The following KLRG2 variants were observed in gnomAD, a reference collection of about 807,000 sequenced individuals.
KLRG2 encodes the protein killer cell lectin like receptor G2, also known as killer cell lectin-like receptor subfamily G member 2.
KLRG2 carries 39 observed loss-of-function variants against 35.4 expected under a neutral mutation model. The observed-to-expected ratio is 1.10, with a 90% CI of 0.85 to 1.44. KLRG2 has a LOEUF of 1.44. KLRG2 is among the 40% of genes most tolerant of loss of function. The pLI is 0.00. For missense variants in KLRG2, 632 were observed against 570.9 expected (o/e 1.11, Z -1.09); for synonymous variants, 283 against 265.8 (o/e 1.06, Z -0.63).
chr7:139,446,801 T>C, the KLRG2 span, among the ~76,000 whole-genome samples: 4 of 151,922 alleles, frequency 2.6e-5, no homozygotes, highest in East Asian at 1.9e-4. Flanking sequence ...TCCAACCTCC[T>C]CCTCCTTCAC....
At chr7:139,456,842 TGCGG>T (rs1481354674) in intron 3 of KLRG2, among the ~76,000 whole-genome samples, 2 of 152,134 alleles carry the variant, frequency 1.3e-5, no homozygotes, top group African/African-American at 4.8e-5. Flanking sequence ...GTGAACCTGG[TGCGG>T]GCCAGGAGCT....
At chr7:139,470,042 A>G (rs759357133) in intron 3 of KLRG2, among the ~76,000 whole-genome samples, 1 of 152,106 alleles carries the variant, frequency 6.6e-6, no homozygotes, top group African/African-American at 2.4e-5. Flanking sequence ...GAGAAAAGAA[A>G]CAGGGCATGG....
At chr7:139,445,781 G>GTGTGTGTATATATATATATATATA in the KLRG2 span, among the ~76,000 whole-genome samples, 4 of 98,488 alleles carry the variant, frequency 4.1e-5, no homozygotes, top group African/African-American at 3.1e-4. Flanking sequence ...ATATATATAT[G>GTGTGTGTATATATATATATATATA]TATATATATA....
chr7:139,482,691 G>A (rs1796980917), intron 1 of KLRG2, among the ~76,000 whole-genome samples, 195 bp downstream of exon 1: 1 of 152,164 alleles, frequency 6.6e-6, no homozygotes, highest in Admixed American at 6.5e-5. Context: ...CGGCAACAAT[G>A]TGAATTACAG....
In KLRG2 at chr7:139,483,569, A is replaced by T. The variant is rs1451271584; in HGVS notation, c.74T>A (p.Leu25Gln). 3 of 1,597,910 alleles carry T rather than the reference A, an allele frequency of 1.9e-6. No homozygotes were observed. In the Admixed American group the frequency reaches 5.0e-5, roughly 27 times the overall value. ...CTGCGGCTGCTCCAGCGTGGGGACCAGGCTTCCCACGGGCTCCATTGGGAG... is the reference window on the plus strand; with the variant it reads ...CTGCGGCTGCTCCAGCGTGGGGACCTGGCTTCCCACGGGCTCCATTGGGAG... ...AELPMEPVGS[L>Q]VPTLEQPQVP... The change falls in exon 1 of 5, where the codon CTG becomes CAG. Residue 25 changes from leucine to glutamine, a missense_variant. Leu to Gln is a moderately radical substitution (Grantham distance 113). Coordinates refer to ENST00000340940, the MANE Select transcript of KLRG2 (RefSeq NM_198508.4).
At chr7:139,429,151 C>T in the KLRG2 span, among the ~76,000 whole-genome samples, 2 of 152,048 alleles carry the variant, frequency 1.3e-5, no homozygotes, top group Admixed American at 1.3e-4. Context: ...ACTAAAAATA[C>T]AAAAATTAGC....
At chr7:139,430,099 A>AT in the KLRG2 span, among the ~76,000 whole-genome samples, 1 of 152,232 alleles carries the variant, frequency 6.6e-6, no homozygotes, top group South Asian at 2.1e-4. Context: ...ATCATTGCTC[A>AT]TTATGAAATG....
chr7:139,479,645 G>C lies in KLRG2; in HGVS notation c.987C>G (p.Pro329=). 2 of 1,613,332 alleles carry C rather than the reference G, an allele frequency of 1.2e-6. No individual in the cohort carries two copies. Among genetic ancestry groups the C allele is most frequent in the Non-Finnish European group, 1.7e-6 (2 of 1,180,002 alleles). ...AFCSAYHATL[P]LLSHTQDFLG... is the part of the protein sequence containing the mutation. ...TTCTCACCTGGGTGTGGCTTAGCAGGGGGAGGGTAGCGTGGTAGGCTGAGC... is the reference window on the plus strand; with the variant it reads ...TTCTCACCTGGGTGTGGCTTAGCAGCGGGAGGGTAGCGTGGTAGGCTGAGC... Residue 329 remains proline, a synonymous_variant, in exon 3 of 5, where the codon CCC becomes CCG. Coordinates refer to ENST00000340940, the MANE Select transcript of KLRG2 (RefSeq NM_198508.4).
At chr7:139,466,965 T>C (rs1487017492) in intron 3 of KLRG2, among the ~76,000 whole-genome samples, 1 of 150,474 alleles carries the variant, frequency 6.6e-6, no homozygotes, top group Non-Finnish European at 1.5e-5. Context: ...AGTCCTTTAA[T>C]CTCTGTTTTT....
At chr7:139,468,165 A>G (rs1445371769) in intron 3 of KLRG2, among the ~76,000 whole-genome samples, 1 of 152,058 alleles carries the variant, frequency 6.6e-6, no homozygotes, top group African/African-American at 2.4e-5. Context: ...ACCCTGCCAC[A>G]TCCCCCTCTC....
rs566746370 is a variant in KLRG2, at chr7:139,458,096, G to A, written c.1006-3882C>T. 4.6e-5 allele frequency among the ~76,000 whole-genome samples: 7 copies of A among 152,164 alleles called. No individual in the cohort carries two copies. The South Asian group carries it at 6.2e-4, about 14-fold the overall frequency. On this transcript the variant is annotated intron_variant, in intron 3 of 4. Coordinates refer to ENST00000340940, the MANE Select transcript of KLRG2 (RefSeq NM_198508.4). ...TTAAAAATTGTGATAAAAGATTCACGGCCAGGCATGGCTGCTCACAGCTGT... is the reference window on the plus strand; with the variant it reads ...TTAAAAATTGTGATAAAAGATTCACAGCCAGGCATGGCTGCTCACAGCTGT...
At position 139,462,280 on chromosome 7, in the gene KLRG2, C is replaced by CT. The variant is rs553845185; in HGVS notation, c.1006-8067dup. 2.9e-4 allele frequency among the ~76,000 whole-genome samples: 44 copies of CT among 152,290 alleles called. 2 individuals carry two copies. The South Asian group carries it at 8.5e-3, about 29-fold the overall frequency. On this transcript the variant is annotated intron_variant, in intron 3 of 4. Transcript: ENST00000340940. Reference sequence around the variant, plus strand: ...TCACACAGGGACGCCTGCCTTGGTCCTTCACCCTTAGCAGCAAGCACTGCT... The same window carrying CT: ...TCACACAGGGACGCCTGCCTTGGTCCTTTCACCCTTAGCAGCAAGCACTGCT...
At chr7:139,479,853 G>C in intron 2 of KLRG2, 81 bp from the exon 3 acceptor site, 4 of 1,488,630 alleles carry the variant, frequency 2.7e-6, no homozygotes, top group Non-Finnish European at 3.6e-6. Context: ...TCAAATGAAG[G>C]GGCATGGAAC....
chr7:139,483,584 T>TC lies in KLRG2; in HGVS notation c.58dup (p.Glu20GlyfsTer23). ...CGTGGGGACCAGGCTTCCCACGGGC[T>TC]CCATTGGGAGCTCTGCCCCGGCTTG... On this transcript the variant is annotated frameshift_variant, in exon 1 of 5. Coordinates refer to ENST00000340940, the MANE Select transcript of KLRG2 (RefSeq NM_198508.4). LOFTEE classifies it high-confidence loss of function. 6.3e-7 allele frequency: 1 copy of TC among 1,596,316 alleles called. No homozygotes were observed. Among genetic ancestry groups the TC allele is most frequent in the Non-Finnish European group, 8.5e-7 (1 of 1,178,234 alleles).
rs572154331 is a variant in KLRG2, at chr7:139,464,578, T to C, written c.1006-10364A>G. On this transcript the variant is annotated intron_variant, in intron 3 of 4. Coordinates refer to ENST00000340940, the MANE Select transcript of KLRG2 (RefSeq NM_198508.4). ...AATCCTTTCCCCACTCCCCTTTCCA[T>C]TCCTTAAAAAACAGCTCTAAAAGCT... 2.6e-5 allele frequency among the ~76,000 whole-genome samples: 4 copies of C among 152,252 alleles called. No homozygotes were observed. The South Asian group carries it at 8.3e-4, about 32-fold the overall frequency.
chr7:139,468,023 CTCTTTAAGGTAT>C (rs1384694922), intron 3 of KLRG2, among the ~76,000 whole-genome samples: 2 of 152,198 alleles, frequency 1.3e-5, no homozygotes, highest in Non-Finnish European at 2.9e-5. Context: ...AGCAACACTG[CTCTTTAAGGTAT>C]TGAGATGTTT....
chr7:139,463,471 G>A (rs1044698312), intron 3 of KLRG2, among the ~76,000 whole-genome samples: 1 of 152,182 alleles, frequency 6.6e-6, no homozygotes, highest in African/African-American at 2.4e-5. Context: ...CGCACCTCCA[G>A]CATACAAGAA....
chr7:139,459,186 A>G (rs1796527643), intron 3 of KLRG2, among the ~76,000 whole-genome samples: 1 of 152,074 alleles, frequency 6.6e-6, no homozygotes, highest in Non-Finnish European at 1.5e-5. Context: ...TCCAATTTGG[A>G]TAGTTAAACC....
intron 3 of KLRG2, among the ~76,000 whole-genome samples, chr7:139,475,101 C>T (rs1796826676): frequency 6.6e-6 from 1 of 152,178 alleles, no homozygotes. Context: ...ATCCTTTCTG[C>T]CCAATCAAAT....
Sources: allele counts gnomAD v4.1 joint callset (sites outside exome capture counted in the v4.1 genomes callset), GRCh38; gene constraint gnomAD v4.1.1; transcripts MANE v1.5; gene names NCBI Gene and HGNC (gene_info 2026-07-23, HGNC 2026-07-21).